VPS13B: variants seen among roughly 807,000 people sequenced by gnomAD.
The protein encoded by VPS13B is vacuolar protein sorting 13 homolog B.
In VPS13B, 285 loss-of-function variants were observed where a neutral mutation model predicts 426.4. That is an observed-to-expected ratio of 0.67 (90% CI 0.61 to 0.74). The LOEUF (loss-of-function observed/expected upper bound fraction) is 0.74. VPS13B is among the 30% of genes least tolerant of loss of function. The pLI is 0.00. For synonymous variants in VPS13B, 1,676 were observed against 1,676.4 expected, an observed-to-expected ratio of 1.00 and a Z score of 0.01; for missense variants, 4,537 against 4,782.6, an observed-to-expected ratio of 0.95 and a Z score of 1.51.
intron 43 of VPS13B, 149 bp from the exon 44 acceptor site, chr8:99,809,226 G>C: frequency 2.1e-6 from 2 of 963,328 alleles, no homozygotes; most frequent in Non-Finnish European, 3.2e-6. Flanking sequence ...GGTGGAATAA[G>C]TTGGAAGTGG....
chr8:99,431,609 G>A lies in VPS13B; in HGVS notation c.3155G>A (p.Arg1052Lys). The change falls in exon 22 of 62, where the codon AGA (arginine) becomes AAA (lysine). Residue 1052 changes from arginine (R) to lysine (K), a missense_variant. Physicochemically the swap from Arg to Lys is conservative, Grantham distance 26. Around this residue, in one of 2 missense-constraint regions of VPS13B, gnomAD observed 4,311 missense variants for 4,474.3 expected, o/e 0.96. Transcript: ENST00000357162. ...GAAAGCTGTAGAAGTCCTGAAGAAAGAATGAAGGAATTTATTGGAATTGTT... is the reference window on the plus strand; with the variant it reads ...GAAAGCTGTAGAAGTCCTGAAGAAAAAATGAAGGAATTTATTGGAATTGTT... ...ISESCRSPEE[R>K]MKEFIGIVWN... is the part of the protein sequence containing the mutation. The A allele has an allele frequency of 1.2e-6, 2 of 1,613,434 alleles. No homozygotes were observed. The highest frequency in any genetic ancestry group is 1.7e-6 in the Non-Finnish European group (2 of 1,179,732).
At chr8:99,604,350 T>G (rs1827468283) in intron 33 of VPS13B, among the ~76,000 whole-genome samples, 1 of 152,130 alleles carries the variant, frequency 6.6e-6, no homozygotes. Flanking sequence ...CAGTTCATAT[T>G]TTATTTGCAT....
chr8:99,118,798 T>G (rs1163005021), intron 7 of VPS13B, among the ~76,000 whole-genome samples: 1 of 152,232 alleles, frequency 6.6e-6, no homozygotes, highest in Admixed American at 6.5e-5. Flanking sequence ...ATTCACTGTT[T>G]GATGGACACT....
chr8:99,664,304 C>T (rs1194878368), intron 35 of VPS13B, among the ~76,000 whole-genome samples: 1 of 149,156 alleles, frequency 6.7e-6, no homozygotes, highest in Non-Finnish European at 1.5e-5. Flanking sequence ...CGTGCCCAGC[C>T]AGAAATGTAC....
chr8:99,221,814 T>G (rs1815741023), intron 17 of VPS13B, among the ~76,000 whole-genome samples: 1 of 152,184 alleles, frequency 6.6e-6, no homozygotes, highest in African/African-American at 2.4e-5. Flanking sequence ...GCTCAGGCCA[T>G]GCTCCTGCCC....
intron 59 of VPS13B, 117 bp from the exon 60 acceptor site, chr8:99,870,668 G>C (rs1466958217): frequency 2.6e-5 from 23 of 882,902 alleles, no homozygotes; most frequent in Non-Finnish European, 1.9e-5. Flanking sequence ...CCAAAGATGT[G>C]ACATCATTTT....
chr8:99,157,346 A>G (rs1191562104), intron 15 of VPS13B, among the ~76,000 whole-genome samples: 3 of 151,514 alleles, frequency 2.0e-5, no homozygotes, highest in Non-Finnish European at 4.4e-5. Context: ...CATTTTTTCA[A>G]TAGTATTTGC....
At chr8:99,474,010 A>C (rs959796883) in intron 24 of VPS13B, among the ~76,000 whole-genome samples, 1 of 152,128 alleles carries the variant, frequency 6.6e-6, no homozygotes, top group Non-Finnish European at 1.5e-5. Flanking sequence ...AAGTAAAGAG[A>C]TATATCTCCT....
In VPS13B at chr8:99,720,526, G is replaced by T; in HGVS notation, c.6839G>T (p.Gly2280Val). Residue 2280 changes from glycine (G) to valine (V), a missense_variant, in exon 38 of 62, where the codon GGT becomes GTT. Coordinates refer to ENST00000357162, the MANE Select transcript of VPS13B (RefSeq NM_152564.5). The part of the protein sequence containing the change: ...SEQSSDDLRT[G>V]LFQYVQDAES... ...CAAAGTTCAGATGACCTACGGACAG[G>T]TCTATTTCAGTATGTACAGGATGCT... 1 of 1,613,972 alleles carries T rather than the reference G, an allele frequency of 6.2e-7. No homozygotes were observed. Among genetic ancestry groups the T allele is most frequent in the African/African-American group, 1.3e-5 (1 of 75,050 alleles).
chr8:99,166,711 T>A (rs1812027053), intron 15 of VPS13B, among the ~76,000 whole-genome samples: 1 of 152,168 alleles, frequency 6.6e-6, no homozygotes, highest in South Asian at 2.1e-4. Flanking sequence ...GTAGAAAAAC[T>A]CATCCTAAAA....
In VPS13B at chr8:99,410,959, A is replaced by G. The variant is rs140084190; in HGVS notation, c.3082+19255A>G. On this transcript the variant is annotated intron_variant, in intron 21 of 61. Transcript: ENST00000357162. ...GTGCCACATTTTCTTAATCCAGTCT[A>G]TCATTGATGGGCGTTTGGGTTGGTT... is the stretch of plus-strand genomic sequence containing the variant. Among the ~76,000 whole-genome samples the G allele has an allele frequency of 6.0e-4, 92 of 152,288 alleles. 1 individual carries two copies. The highest frequency in any genetic ancestry group is 1.9e-3 in the African/African-American group (79 of 41,566).
At chr8:99,320,544 G>T (rs1588247371) in intron 19 of VPS13B, among the ~76,000 whole-genome samples, 1 of 152,224 alleles carries the variant, frequency 6.6e-6, no homozygotes, top group East Asian at 1.9e-4. Flanking sequence ...ATTTACTAAT[G>T]TAAGATAGAA....
intron 22 of VPS13B, among the ~76,000 whole-genome samples, chr8:99,440,068 G>T (rs997691408): frequency 6.6e-6 from 1 of 152,138 alleles, no homozygotes; most frequent in East Asian, 1.9e-4. Context: ...AATAGAGGTG[G>T]TTCCACTTCA....
At chr8:99,788,951 A>G (rs774080993) in intron 43 of VPS13B, among the ~76,000 whole-genome samples, 5 of 152,222 alleles carry the variant, frequency 3.3e-5, no homozygotes, top group Non-Finnish European at 5.9e-5. Flanking sequence ...ACAAAGTTCC[A>G]GAAATTGAGA....
intron 3 of VPS13B, among the ~76,000 whole-genome samples, chr8:99,073,485 A>G (rs923035694): frequency 2.6e-5 from 4 of 151,834 alleles, no homozygotes; most frequent in Middle Eastern, 3.2e-3. Flanking sequence ...ATTTTTTTGT[A>G]GCTATTGTAA....
At chr8:99,653,465 ATTTTTTTT>A (rs34923754) in intron 34 of VPS13B, among the ~76,000 whole-genome samples, 65 of 136,872 alleles carry the variant, frequency 4.7e-4, no homozygotes, top group African/African-American at 1.4e-3. Flanking sequence ...ATGTGACTTC[ATTTTTTTT>A]TTTTTTTTTC....
intron 34 of VPS13B, among the ~76,000 whole-genome samples, chr8:99,645,737 A>G (rs1160946422): frequency 1.3e-5 from 2 of 152,206 alleles, no homozygotes; most frequent in African/African-American, 4.8e-5. Context: ...AGAGTTTTAA[A>G]TATATAAGTT....
rs746397052 is a variant in VPS13B, at chr8:99,697,176, G to C, written c.6047-2349G>C. On this transcript the variant is annotated intron_variant, in intron 35 of 61. Transcript: ENST00000357162. ...AGAGATTGTGGCAAAGGAAGAGCAG[G>C]TGAAAGTGGCTGAGGTGGAGGGTGG... The C allele has an allele frequency of 5.5e-6, 3 of 549,608 alleles. No homozygotes were observed. The African/African-American group carries it at 5.7e-5, about 10-fold the overall frequency. 34.0% of individuals were successfully genotyped at this position (549,608 alleles called of 1,614,324 possible).
At chr8:99,507,377 C>T (rs1821557580) in intron 28 of VPS13B, among the ~76,000 whole-genome samples, 174 bp downstream of exon 28, 1 of 152,100 alleles carries the variant, frequency 6.6e-6, no homozygotes, top group South Asian at 2.1e-4. Flanking sequence ...TGAAACTGCT[C>T]CTGTTTTGTA....
Sources: gnomAD v4.1 joint callset for allele counts (sites outside exome capture counted in the v4.1 genomes callset) on GRCh38, gnomAD v4.1.1 for gene constraint, gnomAD v4.1.1 regional missense constraint, MANE v1.5 for transcripts, NCBI Gene and HGNC (gene_info 2026-07-23, HGNC 2026-07-21) for gene names.